The following RTP2 variants were observed in gnomAD, a reference collection of about 807,000 sequenced individuals.
RTP2 encodes the protein receptor-transporting protein 2.
RTP2 carries 12 observed loss-of-function variants against 17.9 expected under a neutral mutation model. That is an observed-to-expected ratio of 0.67 (90% confidence interval 0.43 to 1.09). The LOEUF (loss-of-function observed/expected upper bound fraction) is 1.09. RTP2 is among the 50% of genes least tolerant of loss of function. The pLI is 0.00. For synonymous variants in RTP2, 126 were observed against 117.7 expected, an observed-to-expected ratio of 1.07 and a Z score of -0.46; for missense variants, 327 against 295.7, an observed-to-expected ratio of 1.11 and a Z score of -0.78.
At chr3:187,701,924 CA>C in intron 1 of RTP2, 40 bp downstream of exon 1, 1 of 1,529,912 alleles carries the variant, frequency 6.5e-7, no homozygotes, top group Non-Finnish European at 8.8e-7. Flanking sequence ...AGCTGTGACC[CA>C]GGGGCTGTCT....
chr3:187,703,087 T>G (rs1717894982), upstream of RTP2, among the ~76,000 whole-genome samples: 1 of 152,226 alleles, frequency 6.6e-6, no homozygotes, highest in Non-Finnish European at 1.5e-5. Context: ...TCAAATTCTT[T>G]AGAAACCAGA....
At chr3:187,714,530 T>A in the RTP2 span, among the ~76,000 whole-genome samples, 1 of 152,248 alleles carries the variant, frequency 6.6e-6, no homozygotes, top group African/African-American at 2.4e-5. Flanking sequence ...ACCTTCCTGC[T>A]TCCCTGGAGC....
the RTP2 span, among the ~76,000 whole-genome samples, chr3:187,712,085 C>T: frequency 1.3e-5 from 2 of 152,094 alleles, no homozygotes; most frequent in Non-Finnish European, 2.9e-5. Context: ...TGTGAATCTA[C>T]ACATACAACA....
exon 2 of RTP2, chr3:187,698,877 C>T (rs909982956): frequency 2.5e-6 from 4 of 1,612,928 alleles, no homozygotes; most frequent in African/African-American, 2.7e-5. Flanking sequence ...CCGCGCCGTG[C>T]CGCACTCATA....
chr3:187,699,902 C>T (rs1482456662), intron 1 of RTP2, among the ~76,000 whole-genome samples: 1 of 152,142 alleles, frequency 6.6e-6, no homozygotes, highest in Non-Finnish European at 1.5e-5. Context: ...AGGCAAGCCC[C>T]ACTCACTCCG....
chr3:187,713,401 A>G, the RTP2 span, among the ~76,000 whole-genome samples: 1 of 152,220 alleles, frequency 6.6e-6, no homozygotes, highest in Non-Finnish European at 1.5e-5. Context: ...TTGAACAAAG[A>G]ATTGGACAAA....
chr3:187,714,014 C>G, the RTP2 span, among the ~76,000 whole-genome samples: 1 of 152,166 alleles, frequency 6.6e-6, no homozygotes, highest in African/African-American at 2.4e-5. Context: ...GACAGCAAGT[C>G]AGAAGGCAAA....
chr3:187,708,495 T>C, the RTP2 span, among the ~76,000 whole-genome samples: 6 of 152,158 alleles, frequency 3.9e-5, no homozygotes, highest in Admixed American at 6.5e-5. Flanking sequence ...AGGGGACCCA[T>C]TGATGGAAGC....
In RTP2 at chr3:187,702,554, C is replaced by A. The variant is rs1227416863; in HGVS notation, c.-426G>T. 2.2e-6 allele frequency: 1 copy of A among 457,710 alleles called. No individual in the cohort carries two copies. The allele number at this position is 457,710 out of a possible 1,614,324, so 28.4% of individuals were successfully genotyped here. A position where few individuals can be genotyped will look rare whatever the true frequency, so the allele number is the denominator to read the frequency against. Reference sequence around the variant, plus strand: ...CATGTGCTATGGTAAGTACGACACCCTAGGAAGTCAAGGAGAAATGAGGGA... The same window carrying A: ...CATGTGCTATGGTAAGTACGACACCATAGGAAGTCAAGGAGAAATGAGGGA... On this transcript the variant is annotated 5_prime_UTR_variant, in exon 1 of 2. The change creates a new upstream start codon in the 5' untranslated region. Coordinates refer to ENST00000358241, the Ensembl canonical transcript of RTP2.
In RTP2 at chr3:187,699,016, C is replaced by T. The variant is rs1249512524; in HGVS notation, c.165-5G>A. Reference sequence around the variant, plus strand: ...CAGCACCAGGAGCAGTGGAACCTGCCGGGAGGAGAAGGAGGGGTGGAGAAG... The same window carrying T: ...CAGCACCAGGAGCAGTGGAACCTGCTGGGAGGAGAAGGAGGGGTGGAGAAG... On this transcript the variant is annotated splice_region_variant and splice_polypyrimidine_tract_variant and intron_variant, in intron 1 of 1. Transcript: ENST00000358241. 1.9e-6 allele frequency: 3 copies of T among 1,571,936 alleles called. No homozygotes were observed. The highest frequency in any genetic ancestry group is 1.3e-5 in the African/African-American group (1 of 74,160).
chr3:187,703,792 C>T (rs1316933451), upstream of RTP2, among the ~76,000 whole-genome samples: 1 of 151,818 alleles, frequency 6.6e-6, no homozygotes, highest in Non-Finnish European at 1.5e-5. Flanking sequence ...GTTCCCAGAA[C>T]AAATGGCAAT....
chr3:187,698,881 A>G (rs769259392), exon 2 of RTP2: 28 of 1,612,282 alleles, frequency 1.7e-5, no homozygotes, highest in Admixed American at 5.0e-5. Context: ...GCCGTGCCGC[A>G]CTCATAGCAC....
chr3:187,713,815 G>A, the RTP2 span, among the ~76,000 whole-genome samples: 9 of 152,126 alleles, frequency 5.9e-5, no homozygotes, highest in East Asian at 1.2e-3. Flanking sequence ...GAGTAGCCTC[G>A]GATCCTTTTG....
At chr3:187,715,284 A>G in the RTP2 span, among the ~76,000 whole-genome samples, 1 of 152,132 alleles carries the variant, frequency 6.6e-6, no homozygotes. Flanking sequence ...AGCTTAAATC[A>G]CCTTCAGTGA....
the RTP2 span, among the ~76,000 whole-genome samples, chr3:187,713,514 A>AGAATGCT: frequency 6.6e-6 from 1 of 152,136 alleles, no homozygotes; most frequent in African/African-American, 2.4e-5. Context: ...AAGCACCCCA[A>AGAATGCT]GAACGCTGGT....
chr3:187,705,104 C>T (rs375592412), upstream of RTP2, among the ~76,000 whole-genome samples: 6 of 151,204 alleles, frequency 4.0e-5, no homozygotes, highest in Non-Finnish European at 8.8e-5. Context: ...GATTTGGTGA[C>T]GAATCTATTA....
the RTP2 span, chr3:187,715,477 C>A: frequency 9.3e-6 from 3 of 321,428 alleles, no homozygotes; most frequent in Admixed American, 1.2e-4. Context: ...CATTTAGTGG[C>A]AGCACTGAGG....
At chr3:187,704,227 A>C (rs1215474720), upstream of RTP2, among the ~76,000 whole-genome samples, 1 of 152,252 alleles carries the variant, frequency 6.6e-6, no homozygotes, top group Non-Finnish European at 1.5e-5. Context: ...GGATGGATAA[A>C]AGAATCACTT....
exon 2 of RTP2, chr3:187,698,585 C>G (rs144282332): frequency 4.3e-6 from 7 of 1,614,264 alleles, no homozygotes; most frequent in Non-Finnish European, 5.9e-6. Flanking sequence ...AGCGAAGAGA[C>G]AAGAAGTTGT....
Sources: allele counts gnomAD v4.1 joint callset (sites outside exome capture counted in the v4.1 genomes callset), GRCh38; gene constraint gnomAD v4.1.1; transcripts MANE v1.5; gene names NCBI Gene and HGNC (gene_info 2026-07-23, HGNC 2026-07-21).